The following BANK1 variants were observed in gnomAD, a reference collection of about 807,000 sequenced individuals.
BANK1 encodes the protein B-cell scaffold protein with ankyrin repeats.
BANK1 carries 95 observed loss-of-function variants against 94.5 expected under a neutral mutation model. The ratio of observed to expected loss-of-function variants is 1.00; its 90% CI spans 0.85 to 1.19. The LOEUF is 1.19. Ranked by LOEUF, BANK1 falls within the 50% of genes most tolerant of loss-of-function variation. The pLI, the probability that BANK1 is intolerant of heterozygous loss-of-function variation, is 0.00. For missense variants in BANK1, 987 were observed against 932.2 expected, an observed-to-expected ratio of 1.06 and a Z score of -0.77; for synonymous variants, 334 against 308.4, an observed-to-expected ratio of 1.08 and a Z score of -0.87.
At chr4:101,811,128 C>T (rs904095871) in intron 1 of BANK1, among the ~76,000 whole-genome samples, 1 of 152,132 alleles carries the variant, frequency 6.6e-6, no homozygotes, top group Non-Finnish European at 1.5e-5. Flanking sequence ...TGTGAAACTT[C>T]TATGAGTCTT....
At chr4:102,063,313 C>G (rs1248353644) in intron 13 of BANK1, among the ~76,000 whole-genome samples, 175 bp downstream of exon 13, 1 of 151,690 alleles carries the variant, frequency 6.6e-6, no homozygotes, top group African/African-American at 2.4e-5. Flanking sequence ...AAATATGCAT[C>G]TATAATTATA....
At chr4:101,811,247 T>A (rs1326741753) in intron 1 of BANK1, among the ~76,000 whole-genome samples, 1 of 152,208 alleles carries the variant, frequency 6.6e-6, no homozygotes, top group African/African-American at 2.4e-5. Flanking sequence ...ATTATTCTAA[T>A]CTTTTTAAAA....
chr4:101,875,650 G>T (rs2148883190), intron 5 of BANK1, among the ~76,000 whole-genome samples: 1 of 152,244 alleles, frequency 6.6e-6, no homozygotes, highest in African/African-American at 2.4e-5. Flanking sequence ...AATTCAAGAT[G>T]AGATTTGGGT....
intron 6 of BANK1, among the ~76,000 whole-genome samples, chr4:101,917,477 C>T (rs1207667404): frequency 1.3e-5 from 2 of 151,788 alleles, no homozygotes; most frequent in Non-Finnish European, 2.9e-5. Flanking sequence ...TTTATGAAAG[C>T]ACTCACCTGT....
chr4:101,890,435 T>A (rs1721822013), intron 5 of BANK1, among the ~76,000 whole-genome samples: 2 of 151,732 alleles, frequency 1.3e-5, no homozygotes, highest in Non-Finnish European at 2.9e-5. Context: ...TCCTGTAAAT[T>A]TTTTTGCTCT....
At chr4:101,922,597 A>G (rs1330733027) in intron 7 of BANK1, among the ~76,000 whole-genome samples, 1 of 151,846 alleles carries the variant, frequency 6.6e-6, no homozygotes, top group Non-Finnish European at 1.5e-5. Flanking sequence ...TATGGTAAAT[A>G]AAATAATTGG....
intron 6 of BANK1, among the ~76,000 whole-genome samples, chr4:101,911,402 A>C (rs1331450737): frequency 6.6e-6 from 1 of 152,204 alleles, no homozygotes; most frequent in South Asian, 2.1e-4. Flanking sequence ...TACTCTTTTC[A>C]TTATTTTTGC....
intron 7 of BANK1, among the ~76,000 whole-genome samples, chr4:101,944,811 T>G (rs1723876809): frequency 1.3e-5 from 2 of 151,958 alleles, no homozygotes; most frequent in South Asian, 4.1e-4. Context: ...TGTGTGACCC[T>G]ATGGTAAAGT....
At chr4:101,903,378 G>A (rs1432486136) in intron 6 of BANK1, among the ~76,000 whole-genome samples, 2 of 152,146 alleles carry the variant, frequency 1.3e-5, no homozygotes, top group Non-Finnish European at 2.9e-5. Flanking sequence ...TCATAACCAT[G>A]TAATTTAACA....
Position 102,030,278 on chromosome 4 carries a change from G to C in BANK1, c.1900+13G>C. ...TACATAGCTCAAGGTAATTATCATTGTTGTTTGTTTACTTGTTAATTTTTT... is the reference window on the plus strand; with the variant it reads ...TACATAGCTCAAGGTAATTATCATTCTTGTTTGTTTACTTGTTAATTTTTT... On this transcript the variant is annotated intron_variant, in intron 10 of 16. Coordinates refer to ENST00000322953, the MANE Select transcript of BANK1 (RefSeq NM_017935.5). The C allele has an allele frequency of 6.5e-7, 1 of 1,548,404 alleles. No individual in the cohort carries two copies. The highest frequency in any genetic ancestry group is 8.7e-7 in the Non-Finnish European group (1 of 1,153,710).
At chr4:101,831,541 C>T (rs942965528) in intron 2 of BANK1, among the ~76,000 whole-genome samples, 16 of 152,156 alleles carry the variant, frequency 1.1e-4, no homozygotes, top group Non-Finnish European at 1.9e-4. Flanking sequence ...GTGGCATGAA[C>T]TTGGTTCATG....
chr4:101,888,822 A>G (rs115138935), intron 5 of BANK1, among the ~76,000 whole-genome samples: 3,906 of 152,264 alleles, frequency 0.026, 179 homozygotes, highest in African/African-American at 0.09. Context: ...GCTTATTCCT[A>G]TAACATATCC....
intron 7 of BANK1, among the ~76,000 whole-genome samples, chr4:101,971,855 TC>T (rs1724966322): frequency 6.6e-6 from 1 of 152,130 alleles, no homozygotes; most frequent in Admixed American, 6.6e-5. Flanking sequence ...CCTTTCTTTT[TC>T]TTGCCAGTGC....
chr4:101,792,255 T>TCCCCCCCCCCCCCCCACC (rs771698917), intron 1 of BANK1, among the ~76,000 whole-genome samples: 1 of 128,662 alleles, frequency 7.8e-6, no homozygotes. Context: ...TGCATTCCGC[T>TCCCCCCCCCCCCCCCACC]CCCCCCCCGC....
intron 7 of BANK1, among the ~76,000 whole-genome samples, chr4:101,941,310 C>A (rs2148910175): frequency 6.6e-6 from 1 of 151,782 alleles, no homozygotes; most frequent in African/African-American, 2.4e-5. Context: ...TCAATCATTT[C>A]TCAAGGAGCT....
intron 6 of BANK1, among the ~76,000 whole-genome samples, chr4:101,915,544 A>G (rs1163167648): frequency 1.3e-5 from 2 of 152,144 alleles, no homozygotes; most frequent in Non-Finnish European, 2.9e-5. Context: ...GACAATTAAC[A>G]AGAGAAATAC....
chr4:101,937,938 A>G (rs1723624635), intron 7 of BANK1, among the ~76,000 whole-genome samples: 1 of 151,948 alleles, frequency 6.6e-6, no homozygotes, highest in Non-Finnish European at 1.5e-5. Flanking sequence ...TGTCCTTTGC[A>G]GGGACATGGA....
chr4:102,043,704 A>G, intron 10 of BANK1, 135 bp from the exon 11 acceptor site: 1 of 520,976 alleles, frequency 1.9e-6, no homozygotes, highest in Non-Finnish European at 3.5e-6. Context: ...TAATCTTCCT[A>G]CTCAAAAGTA....
intron 2 of BANK1, among the ~76,000 whole-genome samples, chr4:101,833,140 C>T (rs778662218): frequency 7.2e-5 from 11 of 151,896 alleles, no homozygotes; most frequent in Non-Finnish European, 1.0e-4. Context: ...CCACCATACC[C>T]GGCTAATTTT....
Sources: gnomAD v4.1 joint callset for allele counts (sites outside exome capture counted in the v4.1 genomes callset) on GRCh38, gnomAD v4.1.1 for gene constraint, MANE v1.5 for transcripts, NCBI Gene and HGNC (gene_info 2026-07-23, HGNC 2026-07-21) for gene names.